The following FBXL7 variants were observed in gnomAD, a reference collection of about 807,000 sequenced individuals.
FBXL7 encodes the protein F-box/LRR-repeat protein 7.
In FBXL7, 12 loss-of-function variants were observed where a neutral mutation model predicts 38.3. The observed-to-expected ratio is 0.31, with a 90% confidence interval of 0.20 to 0.51. The LOEUF is 0.51. Among genes scored for constraint, FBXL7 ranks in the 20% least tolerant of loss-of-function variants. The probability of loss-of-function intolerance (pLI) is 0.98; values close to 1 mark genes in which losing one functional copy is unlikely to be tolerated. For synonymous variants in FBXL7, 297 were observed against 300.9 expected (o/e 0.99, Z 0.13); for missense variants, 567 against 676.4 (o/e 0.84, Z 1.79).
intron 2 of FBXL7, among the ~76,000 whole-genome samples, chr5:15,735,753 T>C (rs1242826371): frequency 6.6e-6 from 1 of 152,126 alleles, no homozygotes; most frequent in Non-Finnish European, 1.5e-5. Context: ...GAGATTTATT[T>C]TGTGAATGGT....
intron 3 of FBXL7, among the ~76,000 whole-genome samples, chr5:15,934,391 T>C (rs962402887): frequency 6.6e-6 from 1 of 152,248 alleles, no homozygotes; most frequent in East Asian, 1.9e-4. Flanking sequence ...TACATTAATA[T>C]ACCATAAGTA....
chr5:15,843,035 A>G (rs1738791643), intron 2 of FBXL7, among the ~76,000 whole-genome samples: 1 of 152,216 alleles, frequency 6.6e-6, no homozygotes, highest in Non-Finnish European at 1.5e-5. Context: ...TACAAATAAC[A>G]GGTTATATTT....
At chr5:15,728,773 G>A (rs1412602394) in intron 2 of FBXL7, among the ~76,000 whole-genome samples, 1 of 152,086 alleles carries the variant, frequency 6.6e-6, no homozygotes, top group Non-Finnish European at 1.5e-5. Context: ...ATATGTCCTT[G>A]AACTACTGAT....
At chr5:15,875,331 A>G (rs1006703072) in intron 2 of FBXL7, among the ~76,000 whole-genome samples, 7 of 152,232 alleles carry the variant, frequency 4.6e-5, no homozygotes, top group African/African-American at 1.7e-4. Flanking sequence ...CCTAGGCAAT[A>G]CCATTGCATG....
Position 15,735,946 on chromosome 5 carries a change from T to C in FBXL7, c.127+119874T>C, listed in dbSNP as rs562802820. 1.3e-3 allele frequency among the ~76,000 whole-genome samples: 198 copies of C among 152,244 alleles called. 1 individual carries two copies. Among genetic ancestry groups the C allele is most frequent in the African/African-American group, 4.2e-3 (173 of 41,548 alleles). ...TCACTGGAGACTTTTGGAAAACAGT[T>C]TTACAGGGTGATATTTGTTAAAGCG... On this transcript the variant is annotated intron_variant, in intron 2 of 3. Coordinates refer to ENST00000504595, the MANE Select transcript of FBXL7 (RefSeq NM_012304.5).
At chr5:15,746,233 C>A (rs1213521078) in intron 2 of FBXL7, among the ~76,000 whole-genome samples, 1 of 152,146 alleles carries the variant, frequency 6.6e-6, no homozygotes, top group Non-Finnish European at 1.5e-5. Context: ...TACTTCTAGA[C>A]ATGTTACCTG....
chr5:15,748,633 A>G (rs1736074433), intron 2 of FBXL7, among the ~76,000 whole-genome samples: 1 of 152,172 alleles, frequency 6.6e-6, no homozygotes, highest in Admixed American at 6.5e-5. Context: ...TCTTTCCTTT[A>G]TAAATTACCC....
chr5:15,711,677 G>A (rs1743878441), intron 2 of FBXL7, among the ~76,000 whole-genome samples: 1 of 152,060 alleles, frequency 6.6e-6, no homozygotes, highest in African/African-American at 2.4e-5. Context: ...GGGGGTTTGG[G>A]ACATAATCCC....
At chr5:15,825,996 A>G (rs1447479953) in intron 2 of FBXL7, among the ~76,000 whole-genome samples, 1 of 152,208 alleles carries the variant, frequency 6.6e-6, no homozygotes, top group Non-Finnish European at 1.5e-5. Flanking sequence ...AGCTTCCTTA[A>G]GGAGATTTTT....
At chr5:15,739,503 T>TA (rs761284956) in intron 2 of FBXL7, among the ~76,000 whole-genome samples, 2 of 136,498 alleles carry the variant, frequency 1.5e-5, no homozygotes, top group African/African-American at 2.6e-5. Flanking sequence ...AACTTTTTTT[T>TA]ATCACAACAA....
chr5:15,599,332 CAT>C (rs1249199896), intron 1 of FBXL7, among the ~76,000 whole-genome samples: 2 of 152,054 alleles, frequency 1.3e-5, no homozygotes, highest in Non-Finnish European at 2.9e-5. Flanking sequence ...CTGAAATACA[CAT>C]ATGTGGATAT....
intron 2 of FBXL7, among the ~76,000 whole-genome samples, chr5:15,829,052 G>A (rs1738386212): frequency 1.3e-5 from 2 of 152,198 alleles, no homozygotes; most frequent in Admixed American, 1.3e-4. Flanking sequence ...AAAGATTCAT[G>A]ATCTACTGAA....
intron 2 of FBXL7, among the ~76,000 whole-genome samples, chr5:15,726,627 G>T (rs922151349): frequency 6.6e-6 from 1 of 151,628 alleles, no homozygotes; most frequent in African/African-American, 2.4e-5. Flanking sequence ...GGAGGCAGGG[G>T]TTGCAGTGAG....
intron 3 of FBXL7, among the ~76,000 whole-genome samples, chr5:15,930,689 G>T (rs1246040976): frequency 2.0e-5 from 3 of 152,118 alleles, no homozygotes; most frequent in African/African-American, 7.2e-5. Flanking sequence ...GTCTCCCAAT[G>T]ACAACAGTGA....
chr5:15,683,543 C>G (rs139626154), intron 2 of FBXL7, among the ~76,000 whole-genome samples: 1 of 152,100 alleles, frequency 6.6e-6, no homozygotes, highest in African/African-American at 2.4e-5. Flanking sequence ...TCTGGGACAT[C>G]ATAAAGAGGG....
chr5:15,810,600 G>A (rs928692450), intron 2 of FBXL7, among the ~76,000 whole-genome samples: 14 of 150,946 alleles, frequency 9.3e-5, no homozygotes, highest in African/African-American at 2.9e-4. Flanking sequence ...ATACAGATTT[G>A]AACCTATTAA....
chr5:15,668,368 TTGTGTGTGTGTGTGTGTGTG>T (rs148728974), intron 2 of FBXL7, among the ~76,000 whole-genome samples: 1 of 145,650 alleles, frequency 6.9e-6, no homozygotes, highest in South Asian at 2.2e-4. Context: ...ATATTTGTGT[TTGTGTGTGTGTGTGTGTGTG>T]TGTGTGTGTG....
At chr5:15,644,090 T>C (rs983541099) in intron 2 of FBXL7, among the ~76,000 whole-genome samples, 7 of 152,100 alleles carry the variant, frequency 4.6e-5, no homozygotes, top group Non-Finnish European at 8.8e-5. Flanking sequence ...CTATTTATGC[T>C]GATGATTTGG....
chr5:15,636,680 C>CTT lies in FBXL7; in HGVS notation c.127+20622_127+20623dup, dbSNP rs35974559. On this transcript the variant is annotated intron_variant, in intron 2 of 3. Coordinates refer to ENST00000504595, the MANE Select transcript of FBXL7 (RefSeq NM_012304.5). ...CTATCATTTGTAGAAGGGCTAAAAC[C>CTT]TTTTTTTTTTTTTTTGCATATGTGG... 3.1e-3 allele frequency among the ~76,000 whole-genome samples: 418 copies of CTT among 134,192 alleles called. 2 individuals carry two copies. Among genetic ancestry groups the CTT allele is most frequent in the African/African-American group, 0.01 (383 of 36,526 alleles). 88.0% of individuals were successfully genotyped at this position (134,192 alleles called of 152,430 possible).
Sources: gnomAD v4.1 joint callset for allele counts (sites outside exome capture counted in the v4.1 genomes callset) on GRCh38, gnomAD v4.1.1 for gene constraint, MANE v1.5 for transcripts, NCBI Gene and HGNC (gene_info 2026-07-23, HGNC 2026-07-21) for gene names.